Variants in DCLK1 observed in about 807,000 individuals in gnomAD.
DCLK1 encodes the protein doublecortin like kinase 1.
A neutral mutation model predicts 86.2 loss-of-function variants in DCLK1; 16 were observed. The ratio of observed to expected loss-of-function variants is 0.19; its 90% CI spans 0.13 to 0.28. The LOEUF is 0.28. Ranked by LOEUF, DCLK1 falls within the 10% of genes least tolerant of loss-of-function variation. The probability of loss-of-function intolerance (pLI) is 1.00; values close to 1 mark genes in which losing one functional copy is unlikely to be tolerated. For missense variants in DCLK1, 590 were observed against 940.2 expected (o/e 0.63, Z 4.87); for synonymous variants, 369 against 370.5 (o/e 1.00, Z 0.05).
chr13:35,786,800 G>C (rs1240989233), intron 16 of DCLK1, among the ~76,000 whole-genome samples: 5 of 152,020 alleles, frequency 3.3e-5, no homozygotes, highest in African/African-American at 1.2e-4. Flanking sequence ...ACATCCATAA[G>C]GCCAATTATG....
chr13:35,855,681 G>A, intron 5 of DCLK1: 1 of 1,394,102 alleles, frequency 7.2e-7, no homozygotes, highest in South Asian at 1.8e-5. Context: ...GGATTCATCA[G>A]CAGATGCCTT....
chr13:35,843,174 C>T (rs544783541), intron 6 of DCLK1, among the ~76,000 whole-genome samples: 23 of 152,224 alleles, frequency 1.5e-4, no homozygotes, highest in African/African-American at 5.5e-4. Flanking sequence ...CACATGCCAA[C>T]AAGATTTTAT....
intron 3 of DCLK1, among the ~76,000 whole-genome samples, chr13:36,031,999 C>A (rs935849130): frequency 1.3e-5 from 2 of 152,198 alleles, no homozygotes; most frequent in African/African-American, 2.4e-5. Context: ...GTGGGGCAGG[C>A]CCCTTTTAAA....
chr13:36,016,017 T>C (rs1193642823), intron 3 of DCLK1, among the ~76,000 whole-genome samples: 1 of 152,184 alleles, frequency 6.6e-6, no homozygotes, highest in Non-Finnish European at 1.5e-5. Flanking sequence ...ATTTGGGTAA[T>C]AACTACTGAG....
At chr13:35,988,689 A>T (rs933288756) in intron 3 of DCLK1, among the ~76,000 whole-genome samples, 4 of 152,224 alleles carry the variant, frequency 2.6e-5, no homozygotes, top group Non-Finnish European at 5.9e-5. Flanking sequence ...TGAAGTTAAA[A>T]AACTGGTGAC....
intron 3 of DCLK1, among the ~76,000 whole-genome samples, chr13:36,029,460 A>G (rs752509558): frequency 3.9e-5 from 6 of 152,202 alleles, no homozygotes; most frequent in Non-Finnish European, 7.3e-5. Context: ...TGCTGAATGA[A>G]TACACGTATC....
chr13:35,875,211 C>A lies in DCLK1; in HGVS notation c.824-3871G>T, dbSNP rs867370074. On this transcript the variant is annotated intron_variant, in intron 4 of 16. Coordinates refer to ENST00000360631, the MANE Select transcript of DCLK1 (RefSeq NM_001330071.2). ...ATAAAAATCAAGATGATCATGAGGG[C>A]AGATGACCAGAACTTTTTGTCCCAG... Among the ~76,000 whole-genome samples the A allele has an allele frequency of 1.1e-4, 16 of 152,282 alleles. 1 individual carries two copies. The highest frequency in any genetic ancestry group is 3.4e-3 in the Middle Eastern group (1 of 294).
At chr13:36,112,908 C>T (rs1308761151) in intron 2 of DCLK1, among the ~76,000 whole-genome samples, 1 of 152,080 alleles carries the variant, frequency 6.6e-6, no homozygotes, top group Non-Finnish European at 1.5e-5. Context: ...AAAAGTGACT[C>T]CTTAGCAGGA....
At position 35,771,409 on chromosome 13, in the gene DCLK1, G is replaced by A. The variant is rs1011226601; in HGVS notation, c.*3126C>T. 5 of 152,028 alleles carry A rather than the reference G, an allele frequency of 3.3e-5. No homozygotes were observed. The highest frequency in any genetic ancestry group is 7.4e-5 in the Non-Finnish European group (5 of 68,012). 9.4% of individuals were successfully genotyped at this position (152,028 alleles called of 1,614,324 possible). ...AATATGCACCACGTGTAAGTTAGATGAGGGCTACGGTAAAAACATTTTTGA... is the reference window on the plus strand; with the variant it reads ...AATATGCACCACGTGTAAGTTAGATAAGGGCTACGGTAAAAACATTTTTGA... On this transcript the variant is annotated 3_prime_UTR_variant, in exon 17 of 17. Transcript: ENST00000360631.
intron 4 of DCLK1, among the ~76,000 whole-genome samples, chr13:35,945,017 A>C (rs1386694512): frequency 1.3e-5 from 2 of 151,962 alleles, no homozygotes. Context: ...TCTCCTGCCT[A>C]AGCCTCCTGA....
intron 2 of DCLK1, among the ~76,000 whole-genome samples, chr13:36,116,120 T>C (rs2138198495): frequency 6.6e-6 from 1 of 151,878 alleles, no homozygotes; most frequent in African/African-American, 2.4e-5. Flanking sequence ...CAGTGAATTT[T>C]TATATTTTTA....
chr13:35,891,003 T>C (rs188260005), intron 4 of DCLK1, among the ~76,000 whole-genome samples: 3 of 152,202 alleles, frequency 2.0e-5, no homozygotes, highest in African/African-American at 4.8e-5. Context: ...TTAATTTTTA[T>C]AGTGTTTTGT....
chr13:35,979,621 G>A (rs767303086), intron 3 of DCLK1, among the ~76,000 whole-genome samples: 1 of 152,182 alleles, frequency 6.6e-6, no homozygotes, highest in Non-Finnish European at 1.5e-5. Flanking sequence ...TTAAAAAGAT[G>A]CTGAGCTGGC....
chr13:35,946,115 T>A (rs953131337), intron 4 of DCLK1, among the ~76,000 whole-genome samples: 2 of 152,166 alleles, frequency 1.3e-5, no homozygotes, highest in Non-Finnish European at 2.9e-5. Flanking sequence ...TGGGCTTAGA[T>A]GATCTGTCTA....
At chr13:35,995,947 T>A (rs1008139434) in intron 3 of DCLK1, among the ~76,000 whole-genome samples, 10 of 152,106 alleles carry the variant, frequency 6.6e-5, no homozygotes, top group African/African-American at 1.9e-4. Flanking sequence ...TTCTTTTTTT[T>A]AATTTTTTGA....
intron 6 of DCLK1, among the ~76,000 whole-genome samples, chr13:35,843,382 C>T (rs1869955499): frequency 6.6e-6 from 1 of 152,156 alleles, no homozygotes; most frequent in African/African-American, 2.4e-5. Flanking sequence ...TTCATAAAAG[C>T]ACTGCCCTAA....
intron 3 of DCLK1, among the ~76,000 whole-genome samples, chr13:36,059,777 C>T (rs1311729301): frequency 2.6e-5 from 4 of 152,128 alleles, no homozygotes; most frequent in Non-Finnish European, 5.9e-5. Flanking sequence ...CCAGCTATTC[C>T]CTTCTGATTT....
At chr13:35,933,883 C>G (rs534719855) in intron 4 of DCLK1, among the ~76,000 whole-genome samples, 1 of 152,322 alleles carries the variant, frequency 6.6e-6, no homozygotes, top group African/African-American at 2.4e-5. Flanking sequence ...TGAATTTCTC[C>G]TCAGAAAATG....
At chr13:36,029,430 G>A (rs1882177896) in intron 3 of DCLK1, among the ~76,000 whole-genome samples, 2 of 152,160 alleles carry the variant, frequency 1.3e-5, no homozygotes, top group South Asian at 4.1e-4. Flanking sequence ...CCAGTGTCTT[G>A]CAGTGAACCA....
Sources: gnomAD v4.1 joint callset for allele counts (sites outside exome capture counted in the v4.1 genomes callset) on GRCh38, gnomAD v4.1.1 for gene constraint, MANE v1.5 for transcripts, NCBI Gene and HGNC (gene_info 2026-07-23, HGNC 2026-07-21) for gene names.